KIT: variants seen among roughly 807,000 people sequenced by gnomAD.
The protein encoded by KIT is KIT proto-oncogene, receptor tyrosine kinase.
A neutral mutation model predicts 105.7 loss-of-function variants in KIT; 16 were observed. The ratio of observed to expected loss-of-function variants is 0.15; its 90% CI spans 0.10 to 0.23. The LOEUF (loss-of-function observed/expected upper bound fraction) is 0.23, where lower values mean the gene tolerates loss of function less well. Ranked by LOEUF, KIT falls within the 10% of genes least tolerant of loss-of-function variation. KIT has a pLI of 1.00. For missense variants in KIT, 858 were observed against 1,213.8 expected (o/e 0.71, Z 4.36); for synonymous variants, 438 against 441.1 (o/e 0.99, Z 0.09).
intron 1 of KIT, among the ~76,000 whole-genome samples, chr4:54,688,236 A>G (rs1719456470): frequency 6.6e-6 from 1 of 152,182 alleles, no homozygotes; most frequent in South Asian, 2.1e-4. Flanking sequence ...GGATCCTTCC[A>G]TCATGGTTTT....
chr4:54,681,673 A>G (rs1308770278), intron 1 of KIT, among the ~76,000 whole-genome samples: 1 of 152,194 alleles, frequency 6.6e-6, no homozygotes, highest in Non-Finnish European at 1.5e-5. Flanking sequence ...ATAGTTAATT[A>G]TAAGATGTCA....
Position 54,731,324 on chromosome 4 carries a change from C to T in KIT, c.2142-4C>T. The T allele has an allele frequency of 6.2e-7, 1 of 1,608,956 alleles. No homozygotes were observed. Among genetic ancestry groups the T allele is most frequent in the East Asian group, 2.2e-5 (1 of 44,838 alleles). ...TCAGTCATGACTTGTTTCATCTCTCCCAGCAGCGATAGTACTAATGAGTAC... is the reference window on the plus strand; with the variant it reads ...TCAGTCATGACTTGTTTCATCTCTCTCAGCAGCGATAGTACTAATGAGTAC... On this transcript the variant is annotated splice_region_variant and splice_polypyrimidine_tract_variant and intron_variant, in intron 14 of 20. Transcript: ENST00000288135.
At chr4:54,726,139 A>G (rs1007340687) in intron 9 of KIT, 89 bp downstream of exon 9, 1 of 1,078,694 alleles carries the variant, frequency 9.3e-7, no homozygotes. Context: ...AACATTGACC[A>G]TGTCATTTCT....
At chr4:54,712,964 C>T (rs998935350) in intron 7 of KIT, among the ~76,000 whole-genome samples, 4 of 151,928 alleles carry the variant, frequency 2.6e-5, no homozygotes, top group South Asian at 4.2e-4. Flanking sequence ...GATTTGCAAA[C>T]GTTTGGACAG....
intron 1 of KIT, among the ~76,000 whole-genome samples, chr4:54,691,047 G>A (rs1719674123): frequency 6.6e-6 from 1 of 152,024 alleles, no homozygotes; most frequent in East Asian, 1.9e-4. Flanking sequence ...AATTTAGAGG[G>A]CCCTTATTTG....
chr4:54,723,452 C>G (rs1398642883), intron 7 of KIT, 132 bp from the exon 8 acceptor site: 1 of 704,356 alleles, frequency 1.4e-6, no homozygotes, highest in African/African-American at 1.7e-5. Context: ...GGTTCAGATT[C>G]TGCCCTTTGA....
chr4:54,680,592 G>A (rs745904908), intron 1 of KIT, among the ~76,000 whole-genome samples: 18 of 151,804 alleles, frequency 1.2e-4, no homozygotes, highest in South Asian at 1.0e-3. Flanking sequence ...GAGGTTTCAC[G>A]GTGTTGGGCA....
chr4:54,732,666 C>T (rs924789199), intron 16 of KIT, among the ~76,000 whole-genome samples: 1 of 152,098 alleles, frequency 6.6e-6, no homozygotes, highest in Non-Finnish European at 1.5e-5. Context: ...AAATAAAGAC[C>T]TTCTTCCGTG....
Position 54,660,250 on chromosome 4 carries a change from A to G in KIT, c.67+2169A>G, listed in dbSNP as rs547729005. ...TGTGGCTTATGCTTACTGCCCTTCA[A>G]TTCCCATATATTCCTCTGCATTGCC... On this transcript the variant is annotated intron_variant, in intron 1 of 20. Transcript: ENST00000288135. Among the ~76,000 whole-genome samples the G allele has an allele frequency of 2.0e-5, 3 of 152,120 alleles. 1 individual carries two copies. Among genetic ancestry groups the G allele is most frequent in the African/African-American group, 7.2e-5 (3 of 41,474 alleles).
At chr4:54,721,417 A>G (rs1252774272) in intron 7 of KIT, among the ~76,000 whole-genome samples, 1 of 152,200 alleles carries the variant, frequency 6.6e-6, no homozygotes, top group African/African-American at 2.4e-5. Flanking sequence ...GTTGCCCATG[A>G]TAATTAAATG....
chr4:54,659,462 C>A (rs1717078087), intron 1 of KIT, among the ~76,000 whole-genome samples: 1 of 152,164 alleles, frequency 6.6e-6, no homozygotes, highest in Non-Finnish European at 1.5e-5. Context: ...TGGAATCAAG[C>A]GCTTGAAAGG....
chr4:54,721,398 G>A (rs1434127134), intron 7 of KIT, among the ~76,000 whole-genome samples: 2 of 152,186 alleles, frequency 1.3e-5, no homozygotes, highest in Non-Finnish European at 2.9e-5. Context: ...TTTTCAGCCT[G>A]ATCACACAGT....
chr4:54,719,189 G>A (rs545940435), intron 7 of KIT, among the ~76,000 whole-genome samples: 6 of 152,244 alleles, frequency 3.9e-5, no homozygotes, highest in South Asian at 2.1e-4. Context: ...CATTTATAGC[G>A]GAAGTTGGTT....
Position 54,727,620 on chromosome 4 carries a change from C to T in KIT, c.1774+78C>T, listed in dbSNP as rs962806802. ...TGACTTTAAGGAACTCCAGTGGCTT[C>T]CTTTGTTTTGTTCCACCTGAAACAA... On this transcript the variant is annotated intron_variant, in intron 11 of 20. Transcript: ENST00000288135. The T allele has an allele frequency of 1.7e-5, 27 of 1,576,924 alleles. No homozygotes were observed. In the Admixed American group the frequency reaches 4.3e-4, roughly 25 times the overall value.
chr4:54,698,730 G>A (rs2109675639), intron 3 of KIT, among the ~76,000 whole-genome samples, 165 bp downstream of exon 3: 1 of 152,300 alleles, frequency 6.6e-6, no homozygotes, highest in East Asian at 1.9e-4. Flanking sequence ...TTTATTTCAT[G>A]GTCCTGACCC....
At chr4:54,676,100 T>A (rs1220623740) in intron 1 of KIT, among the ~76,000 whole-genome samples, 5 of 152,294 alleles carry the variant, frequency 3.3e-5, no homozygotes, top group East Asian at 3.9e-4. Context: ...TTGCTTTGAG[T>A]TCCAAGATAC....
chr4:54,723,998 A>C (rs1316813424), intron 8 of KIT, among the ~76,000 whole-genome samples: 1 of 152,178 alleles, frequency 6.6e-6, no homozygotes, highest in East Asian at 1.9e-4. Context: ...GAGTAATTAG[A>C]TTTCCATTCT....
intron 1 of KIT, among the ~76,000 whole-genome samples, chr4:54,660,222 A>T (rs534556262): frequency 6.6e-6 from 1 of 152,256 alleles, no homozygotes; most frequent in Non-Finnish European, 1.5e-5. Context: ...TGAAGCAAGG[A>T]GCTGTGGCTT....
At chr4:54,727,772 A>T (rs764046530) in intron 11 of KIT, 51 bp from the exon 12 acceptor site, 1 of 1,465,458 alleles carries the variant, frequency 6.8e-7, no homozygotes, top group Non-Finnish European at 9.6e-7. Context: ...TGGTCCTTCA[A>T]TTCCACCACC....
Sources: gnomAD v4.1 joint callset for allele counts (sites outside exome capture counted in the v4.1 genomes callset) on GRCh38, gnomAD v4.1.1 for gene constraint, MANE v1.5 for transcripts, NCBI Gene and HGNC (gene_info 2026-07-23, HGNC 2026-07-21) for gene names.